The following NPFFR2 variants were observed in gnomAD, a reference collection of about 807,000 sequenced individuals.
NPFFR2 encodes the protein G-protein coupled receptor 74.
In NPFFR2, 15 loss-of-function variants were observed where a neutral mutation model predicts 13.1. The ratio of observed to expected loss-of-function variants is 1.15; its 90% confidence interval spans 0.77 to 1.76. The LOEUF (loss-of-function observed/expected upper bound fraction) is 1.76. Ranked by LOEUF, NPFFR2 falls within the 40% of genes most tolerant of loss-of-function variation. The probability of loss-of-function intolerance (pLI) is 0.00; values close to 1 mark genes in which losing one functional copy is unlikely to be tolerated. For missense variants in NPFFR2, 572 were observed against 503.5 expected (o/e 1.14, Z -1.30); for synonymous variants, 190 against 175.7 (o/e 1.08, Z -0.65).
chr4:72,119,753 A>G (rs576379700), intron 1 of NPFFR2, among the ~76,000 whole-genome samples: 19 of 152,334 alleles, frequency 1.2e-4, no homozygotes, highest in African/African-American at 4.6e-4. Flanking sequence ...TGGCCCAAAT[A>G]CTACACTTTT....
chr4:72,084,828 G>T (rs1341889401), intron 1 of NPFFR2, among the ~76,000 whole-genome samples: 2 of 152,036 alleles, frequency 1.3e-5, no homozygotes, highest in African/African-American at 4.8e-5. Flanking sequence ...TATTTACTCA[G>T]AGAGCTCTTT....
At chr4:72,107,193 CAA>C (rs1379393637) in intron 1 of NPFFR2, among the ~76,000 whole-genome samples, 1 of 151,632 alleles carries the variant, frequency 6.6e-6, no homozygotes, top group East Asian at 1.9e-4. Flanking sequence ...ATATCTCTCA[CAA>C]AGGGAGTTAT....
intron 1 of NPFFR2, among the ~76,000 whole-genome samples, chr4:72,125,475 A>C (rs2109831489): frequency 6.6e-6 from 1 of 152,342 alleles, no homozygotes; most frequent in South Asian, 2.1e-4. Flanking sequence ...GTGCGGTACC[A>C]AGTTGTCACA....
intron 1 of NPFFR2, among the ~76,000 whole-genome samples, chr4:72,085,921 A>C (rs1235171691): frequency 6.6e-6 from 1 of 152,122 alleles, no homozygotes; most frequent in African/African-American, 2.4e-5. Context: ...GAAACAATGG[A>C]GGGAAAACAT....
intron 1 of NPFFR2, among the ~76,000 whole-genome samples, chr4:72,125,748 T>C (rs957372768): frequency 8.5e-5 from 13 of 152,244 alleles, no homozygotes; most frequent in Middle Eastern, 3.2e-3. Flanking sequence ...ATACTGATGC[T>C]TCTTTGTCTC....
At chr4:72,048,259 G>C (rs893475718) in intron 1 of NPFFR2, among the ~76,000 whole-genome samples, 1 of 152,088 alleles carries the variant, frequency 6.6e-6, no homozygotes, top group African/African-American at 2.4e-5. Context: ...TTGGAGAAGT[G>C]AGGGAGGAGT....
At chr4:72,130,146 C>G (rs2109835880) in intron 2 of NPFFR2, among the ~76,000 whole-genome samples, 1 of 152,088 alleles carries the variant, frequency 6.6e-6, no homozygotes, top group African/African-American at 2.4e-5. Flanking sequence ...CTACTTCTTT[C>G]TACACAGACA....
At chr4:72,075,460 A>G (rs2109787976) in intron 1 of NPFFR2, among the ~76,000 whole-genome samples, 1 of 152,302 alleles carries the variant, frequency 6.6e-6, no homozygotes, top group African/African-American at 2.4e-5. Context: ...CTAAAGGGAG[A>G]AATACACAGT....
chr4:72,109,502 G>A (rs1721505542), intron 1 of NPFFR2, among the ~76,000 whole-genome samples: 1 of 152,010 alleles, frequency 6.6e-6, no homozygotes, highest in African/African-American at 2.4e-5. Flanking sequence ...TTGACTGACT[G>A]TGGGGTGCAG....
At chr4:72,124,578 T>G (rs1721980145) in intron 1 of NPFFR2, among the ~76,000 whole-genome samples, 1 of 152,172 alleles carries the variant, frequency 6.6e-6, no homozygotes, top group East Asian at 1.9e-4. Context: ...AAAACAGATA[T>G]ATAGACCGTG....
chr4:72,035,188 A>G (rs1206628816), intron 1 of NPFFR2, among the ~76,000 whole-genome samples: 2 of 152,266 alleles, frequency 1.3e-5, no homozygotes, highest in Non-Finnish European at 2.9e-5. Context: ...AAATTCTGTG[A>G]CATCAACACC....
rs1722812573 is a variant in NPFFR2 at position 72,147,242 on chromosome 4, C to G, written c.693C>G (p.Pro231=). The change falls in exon 4 of 4, where the codon CCC becomes CCG. Residue 231 remains proline (P), a synonymous_variant. Transcript: ENST00000308744. ...TVLFANIYLA[P]LSLIVIMYGR... ...TGTTTGCCAACATCTACCTGGCTCC[C>G]CTCTCCCTCATTGTCATCATGTATG... is the stretch of plus-strand genomic sequence containing the variant. 1 of 1,614,126 alleles carries G rather than the reference C, an allele frequency of 6.2e-7. No homozygotes were observed. The highest frequency in any genetic ancestry group is 8.5e-7 in the Non-Finnish European group (1 of 1,180,022).
chr4:72,078,570 A>G (rs1334481439), intron 1 of NPFFR2, among the ~76,000 whole-genome samples: 1 of 152,166 alleles, frequency 6.6e-6, no homozygotes, highest in Non-Finnish European at 1.5e-5. Flanking sequence ...CCTAAACTTT[A>G]TGTAGAAAAG....
At chr4:72,084,922 C>T (rs1237378220) in intron 1 of NPFFR2, among the ~76,000 whole-genome samples, 1 of 152,128 alleles carries the variant, frequency 6.6e-6, no homozygotes, top group African/African-American at 2.4e-5. Flanking sequence ...TTCACTCACT[C>T]TTGCTTCCTG....
In NPFFR2 at chr4:72,128,916, G is replaced by C. The variant is rs1722154079; in HGVS notation, c.325G>C (p.Ala109Pro). The C allele has an allele frequency of 3.1e-6, 5 of 1,601,074 alleles. No homozygotes were observed. The highest frequency in any genetic ancestry group is 4.3e-6 in the Non-Finnish European group (5 of 1,170,192). Reference sequence around the variant, plus strand: ...TATAACACTGCTGGACAATATTATAGCAGGTATGTTGGCTTTTGTGCAGTT... The same window carrying C: ...TATAACACTGCTGGACAATATTATACCAGGTATGTTGGCTTTTGTGCAGTT... ...MPITLLDNII[A>P]GWPFGNTMCK... Residue 109 changes from alanine (A) to proline (P), a missense_variant, in exon 2 of 4, where the codon GCA (alanine) becomes CCA (proline). By Grantham distance (27) the Ala-to-Pro change is conservative. Coordinates refer to ENST00000308744, the MANE Select transcript of NPFFR2 (RefSeq NM_004885.3).
At chr4:72,066,178 A>C (rs1344507352) in intron 1 of NPFFR2, among the ~76,000 whole-genome samples, 1 of 152,086 alleles carries the variant, frequency 6.6e-6, no homozygotes, top group Non-Finnish European at 1.5e-5. Flanking sequence ...CATCCTCTGG[A>C]GAGGAGGAGT....
At chr4:72,114,832 A>G (rs767043019) in intron 1 of NPFFR2, among the ~76,000 whole-genome samples, 3 of 152,144 alleles carry the variant, frequency 2.0e-5, no homozygotes, top group Non-Finnish European at 4.4e-5. Flanking sequence ...AAAGGTTACC[A>G]TAAAGTCTCT....
intron 1 of NPFFR2, among the ~76,000 whole-genome samples, chr4:72,095,905 T>C (rs1721057780): frequency 6.6e-6 from 1 of 152,202 alleles, no homozygotes; most frequent in Non-Finnish European, 1.5e-5. Flanking sequence ...CATGGGGCTC[T>C]CCTTATTTGT....
chr4:72,129,227 AG>A (rs1722162060), intron 2 of NPFFR2, among the ~76,000 whole-genome samples: 1 of 152,050 alleles, frequency 6.6e-6, no homozygotes, highest in South Asian at 2.1e-4. Context: ...TATTATGTGT[AG>A]GGGTGGGTTG....
Sources: gnomAD v4.1 joint callset for allele counts (sites outside exome capture counted in the v4.1 genomes callset) on GRCh38, gnomAD v4.1.1 for gene constraint, MANE v1.5 for transcripts, NCBI Gene and HGNC (gene_info 2026-07-23, HGNC 2026-07-21) for gene names.